PPP4R2: variants seen among roughly 807,000 people sequenced by gnomAD.
PPP4R2 encodes the protein serine/threonine-protein phosphatase 4 regulatory subunit 2.
PPP4R2 carries 13 observed loss-of-function variants against 47.2 expected under a neutral mutation model. That is an observed-to-expected ratio of 0.28 (90% confidence interval 0.18 to 0.44). The LOEUF is 0.44. Among genes scored for constraint, PPP4R2 ranks in the 20% least tolerant of loss-of-function variants. PPP4R2 has a pLI of 1.00. For missense variants in PPP4R2, 421 were observed against 491.2 expected (o/e 0.86, Z 1.35); for synonymous variants, 151 against 163.3 (o/e 0.92, Z 0.57).
Position 73,065,796 on chromosome 3 carries a change from T to C in PPP4R2, c.*74T>C. On this transcript the variant is annotated 3_prime_UTR_variant, in exon 9 of 9. Coordinates refer to ENST00000356692, the MANE Select transcript of PPP4R2 (RefSeq NM_174907.4). ...AACACTGTATAAAACTTTTGTGTAA[T>C]AAAATGGACCTTTAGTTTTACAAGA... 2.0e-6 allele frequency: 2 copies of C among 978,984 alleles called. No homozygotes were observed. The highest frequency in any genetic ancestry group is 3.0e-6 in the Non-Finnish European group (2 of 673,870). 60.6% of individuals were successfully genotyped at this position (978,984 alleles called of 1,614,324 possible).
rs1702993944 is a variant in PPP4R2, at chr3:73,066,242, A to ATATG, written c.*523_*524insGTAT. ...AACTTTAAGTCATATATACATACAT[A>ATATG]TATATATATATATATATATAATTCT... is the stretch of plus-strand genomic sequence containing the variant. On this transcript the variant is annotated 3_prime_UTR_variant, in exon 9 of 9. Coordinates refer to ENST00000356692, the MANE Select transcript of PPP4R2 (RefSeq NM_174907.4). The ATATG allele has an allele frequency of 7.0e-6, 1 of 143,370 alleles. No homozygotes were observed. Among genetic ancestry groups the ATATG allele is most frequent in the African/African-American group, 2.6e-5 (1 of 39,084 alleles). 8.9% of individuals were successfully genotyped at this position (143,370 alleles called of 1,614,324 possible). A position where few individuals can be genotyped will look rare whatever the true frequency, so the allele number is the denominator to read the frequency against.
intron 2 of PPP4R2, among the ~76,000 whole-genome samples, chr3:73,041,609 A>G (rs528168001): frequency 1.3e-5 from 2 of 152,342 alleles, no homozygotes. Context: ...TTTGATGTTT[A>G]TAAATGGTGC....
chr3:73,021,262 T>C (rs1485705050), intron 2 of PPP4R2, among the ~76,000 whole-genome samples: 1 of 151,282 alleles, frequency 6.6e-6, no homozygotes, highest in Non-Finnish European at 1.5e-5. Flanking sequence ...TAACAGGATC[T>C]TACTGTTTCA....
At chr3:73,021,054 C>T (rs911553050) in intron 2 of PPP4R2, among the ~76,000 whole-genome samples, 1 of 151,930 alleles carries the variant, frequency 6.6e-6, no homozygotes, top group Admixed American at 6.6e-5. Context: ...GTGCATTAGT[C>T]TATGTTGCTT....
intron 2 of PPP4R2, among the ~76,000 whole-genome samples, chr3:72,999,091 GA>G (rs939282026): frequency 5.9e-5 from 9 of 152,082 alleles, no homozygotes; most frequent in African/African-American, 9.7e-5. Context: ...ATTTTAGAAA[GA>G]AAAAAACCTT....
chr3:73,029,998 T>G (rs1032313285), intron 2 of PPP4R2, among the ~76,000 whole-genome samples: 3 of 152,054 alleles, frequency 2.0e-5, no homozygotes, highest in Admixed American at 1.3e-4. Flanking sequence ...TGGAGTAGAT[T>G]TGAGAGATAA....
chr3:73,025,923 A>C (rs1338749985), intron 2 of PPP4R2, among the ~76,000 whole-genome samples: 9 of 152,174 alleles, frequency 5.9e-5, no homozygotes, highest in African/African-American at 2.2e-4. Context: ...AGTGGGAATG[A>C]ACATGAGGGT....
chr3:73,044,477 T>G (rs747469267), intron 2 of PPP4R2, among the ~76,000 whole-genome samples: 1 of 152,096 alleles, frequency 6.6e-6, no homozygotes, highest in Non-Finnish European at 1.5e-5. Context: ...TCCTAGCTAC[T>G]TGGGAGGCTG....
chr3:73,055,026 T>A (rs1314702255), intron 3 of PPP4R2, among the ~76,000 whole-genome samples: 1 of 152,088 alleles, frequency 6.6e-6, no homozygotes, highest in Non-Finnish European at 1.5e-5. Context: ...AAAAAGTAAA[T>A]AGGGACAGCT....
chr3:73,037,951 A>T (rs533692438), intron 2 of PPP4R2, among the ~76,000 whole-genome samples: 1 of 152,206 alleles, frequency 6.6e-6, no homozygotes, highest in Admixed American at 6.5e-5. Context: ...TTAGTCAAGG[A>T]TTGTTACATA....
intron 2 of PPP4R2, among the ~76,000 whole-genome samples, chr3:73,028,931 TC>T (rs1702118782): frequency 6.6e-6 from 1 of 152,128 alleles, no homozygotes; most frequent in Non-Finnish European, 1.5e-5. Flanking sequence ...TTGAGTGAAA[TC>T]CAGAGCCGTC....
chr3:73,005,936 A>G (rs1390773772), intron 2 of PPP4R2, among the ~76,000 whole-genome samples: 1 of 152,120 alleles, frequency 6.6e-6, no homozygotes, highest in Non-Finnish European at 1.5e-5. Flanking sequence ...CACTCAGGAA[A>G]CCATCACAAC....
intron 2 of PPP4R2, among the ~76,000 whole-genome samples, chr3:73,034,319 T>A (rs1702223264): frequency 6.6e-6 from 1 of 152,154 alleles, no homozygotes; most frequent in Admixed American, 6.5e-5. Flanking sequence ...CTCCTCCTCT[T>A]CCCTCCAAAT....
Position 73,002,620 on chromosome 3 carries a change from TTTTC to T in PPP4R2, c.116+4466_116+4469del, listed in dbSNP as rs1278948330. 2.7e-3 allele frequency among the ~76,000 whole-genome samples: 261 copies of T among 96,294 alleles called. 1 individual carries two copies. The highest frequency in any genetic ancestry group is 0.012 in the African/African-American group (239 of 20,714). The allele number at this position is 96,294 out of a possible 152,430, so 63.2% of individuals were successfully genotyped here. A position where few individuals can be genotyped will look rare whatever the true frequency, so the allele number is the denominator to read the frequency against. On this transcript the variant is annotated intron_variant, in intron 2 of 8. Transcript: ENST00000356692. ...GCACAGGGATTTTTCTTTTCTTTTC[TTTTC>T]TTTTCTTTTCTTTTTTTTTTTTTTT...
At chr3:73,039,834 C>CT (rs1296383814) in intron 2 of PPP4R2, among the ~76,000 whole-genome samples, 2 of 152,168 alleles carry the variant, frequency 1.3e-5, no homozygotes, top group African/African-American at 4.8e-5. Context: ...GGCGAATCAC[C>CT]TGAAGTGTCA....
At chr3:73,028,580 ACAGATGCGCGCCACC>A (rs997400447) in intron 2 of PPP4R2, among the ~76,000 whole-genome samples, 1 of 152,034 alleles carries the variant, frequency 6.6e-6, no homozygotes, top group African/African-American at 2.4e-5. Context: ...AGCTGGGACT[ACAGATGCGCGCCACC>A]ATGCCCAGCT....
intron 2 of PPP4R2, among the ~76,000 whole-genome samples, chr3:73,003,708 T>TA (rs1214092733): frequency 2.4e-5 from 3 of 124,404 alleles, no homozygotes; most frequent in Non-Finnish European, 5.4e-5. Flanking sequence ...TTTTGTTTTG[T>TA]TTTTTTTTGA....
chr3:73,021,767 T>C (rs1701963567), intron 2 of PPP4R2, among the ~76,000 whole-genome samples: 1 of 151,986 alleles, frequency 6.6e-6, no homozygotes, highest in Non-Finnish European at 1.5e-5. Context: ...CGCTAGGTAT[T>C]GCGGGTGCTG....
chr3:73,031,623 T>C lies in PPP4R2; in HGVS notation c.117-15563T>C, dbSNP rs536324106. ...TTTTGTGATGGGTGGAAAAGCAACG[T>C]TGGGTGGAGACTTTATCCTCTCTGA... is the stretch of plus-strand genomic sequence containing the variant. On this transcript the variant is annotated intron_variant, in intron 2 of 8. Transcript: ENST00000356692. Among the ~76,000 whole-genome samples the C allele has an allele frequency of 1.2e-3, 176 of 152,144 alleles. 1 individual carries two copies. The highest frequency in any genetic ancestry group is 4.1e-3 in the African/African-American group (172 of 41,526).
Sources: gnomAD v4.1 joint callset for allele counts (sites outside exome capture counted in the v4.1 genomes callset) on GRCh38, gnomAD v4.1.1 for gene constraint, MANE v1.5 for transcripts, NCBI Gene and HGNC (gene_info 2026-07-23, HGNC 2026-07-21) for gene names.